Variants in PAPPA2 observed in about 807,000 individuals in gnomAD.
PAPPA2 encodes the protein pappalysin 2.
In PAPPA2, 86 loss-of-function variants were observed where a neutral mutation model predicts 176.4. That is an observed-to-expected ratio of 0.49 (90% CI 0.41 to 0.58). The LOEUF (loss-of-function observed/expected upper bound fraction) is 0.58. Among genes scored for constraint, PAPPA2 ranks in the 20% least tolerant of loss-of-function variants. PAPPA2 has a pLI of 0.00. For synonymous variants in PAPPA2, 809 were observed against 852.2 expected (o/e 0.95, Z 0.88); for missense variants, 2,073 against 2,256.9 (o/e 0.92, Z 1.65).
rs1571405094 is a variant in PAPPA2, at chr1:176,839,594, A to C, written c.5203-579A>C. ...CAGACACCATCTGAGTCTTCATAGCACCCAAGGACTACTCAGGTCTCTAAG... is the reference window on the plus strand; with the variant it reads ...CAGACACCATCTGAGTCTTCATAGCCCCCAAGGACTACTCAGGTCTCTAAG... On this transcript the variant is annotated intron_variant, in intron 21 of 22. Coordinates refer to ENST00000367662, the MANE Select transcript of PAPPA2 (RefSeq NM_020318.3). Among the ~76,000 whole-genome samples, 5 of 152,232 alleles carry C rather than the reference A, an allele frequency of 3.3e-5. No homozygotes were observed. In the Middle Eastern group the frequency reaches 0.014, roughly 414 times the overall value.
At chr1:176,779,675 G>A (rs902814509) in intron 17 of PAPPA2, among the ~76,000 whole-genome samples, 1 of 152,166 alleles carries the variant, frequency 6.6e-6, no homozygotes, top group African/African-American at 2.4e-5. Flanking sequence ...TCATTACCCT[G>A]TGAAGAATGT....
intron 3 of PAPPA2, among the ~76,000 whole-genome samples, chr1:176,612,638 C>T (rs953845344): frequency 6.6e-5 from 10 of 152,130 alleles, no homozygotes; most frequent in Non-Finnish European, 1.2e-4. Context: ...GGTAATCATA[C>T]TGGACAGAAA....
intron 3 of PAPPA2, among the ~76,000 whole-genome samples, chr1:176,669,832 G>A (rs1287207188): frequency 6.6e-6 from 1 of 152,162 alleles, no homozygotes; most frequent in East Asian, 1.9e-4. Context: ...TCAGGAGGCA[G>A]AGCAAGCTAG....
intron 18 of PAPPA2, among the ~76,000 whole-genome samples, chr1:176,790,660 G>A (rs775625539): frequency 6.6e-6 from 1 of 152,076 alleles, no homozygotes; most frequent in South Asian, 2.1e-4. Flanking sequence ...AAGCACATCC[G>A]GTTGCACTGA....
At chr1:176,773,487 C>A (rs1222348569) in intron 17 of PAPPA2, among the ~76,000 whole-genome samples, 1 of 152,110 alleles carries the variant, frequency 6.6e-6, no homozygotes, top group Non-Finnish European at 1.5e-5. Context: ...TAATTTTATG[C>A]TACTGTACAG....
intron 14 of PAPPA2, among the ~76,000 whole-genome samples, chr1:176,761,691 G>A (rs772645274): frequency 3.0e-4 from 45 of 152,304 alleles, no homozygotes; most frequent in Middle Eastern, 6.8e-3. Context: ...GAGATGGCCC[G>A]GTGGTCTAGG....
At chr1:176,710,241 T>G in intron 11 of PAPPA2, 65 bp downstream of exon 11, 1 of 1,402,250 alleles carries the variant, frequency 7.1e-7, no homozygotes, top group Non-Finnish European at 9.9e-7. Context: ...CCCCTATGCT[T>G]ACACTTGGGG....
Position 176,764,406 on chromosome 1 carries a change from C to T in PAPPA2, c.4152-1260C>T, listed in dbSNP as rs148189338. The stretch of plus-strand genomic sequence containing the variant: ...AGGAATAACAACTCTGTGAGGTTGC[C>T]ATAATTATCCCCGTCTTATAGGGGA... On this transcript the variant is annotated intron_variant, in intron 14 of 22. Transcript: ENST00000367662. Among the ~76,000 whole-genome samples the T allele has an allele frequency of 6.6e-3, 1,004 of 152,240 alleles. 14 individuals are homozygous for T. The highest frequency in any genetic ancestry group is 0.023 in the African/African-American group (945 of 41,552).
At chr1:176,768,475 T>C (rs1332604478) in intron 15 of PAPPA2, among the ~76,000 whole-genome samples, 1 of 152,214 alleles carries the variant, frequency 6.6e-6, no homozygotes, top group African/African-American at 2.4e-5. Flanking sequence ...GTTTTCAGTC[T>C]TTATATGGCA....
At chr1:176,487,713 G>A (rs558056704) in intron 1 of PAPPA2, among the ~76,000 whole-genome samples, 66 of 152,266 alleles carry the variant, frequency 4.3e-4, no homozygotes, top group Middle Eastern at 3.4e-3. Flanking sequence ...AGGGGTAGAG[G>A]TTGAGGCCAA....
chr1:176,757,192 C>A (rs1266931885), intron 14 of PAPPA2, among the ~76,000 whole-genome samples: 2 of 152,156 alleles, frequency 1.3e-5, no homozygotes, highest in African/African-American at 4.8e-5. Flanking sequence ...TTTATAGTAG[C>A]ATGATTTATA....
chr1:176,611,695 C>G (rs1382248569), intron 3 of PAPPA2, among the ~76,000 whole-genome samples: 1 of 152,156 alleles, frequency 6.6e-6, no homozygotes, highest in African/African-American at 2.4e-5. Flanking sequence ...CTGTAGCATT[C>G]TTGGGGAGCT....
chr1:176,694,560 T>A (rs889366209), intron 6 of PAPPA2, among the ~76,000 whole-genome samples: 1 of 152,220 alleles, frequency 6.6e-6, no homozygotes, highest in Non-Finnish European at 1.5e-5. Flanking sequence ...TATTACAAGA[T>A]GTTATTGAGA....
chr1:176,831,326 A>G (rs1667071526), intron 21 of PAPPA2, among the ~76,000 whole-genome samples: 1 of 152,228 alleles, frequency 6.6e-6, no homozygotes, highest in South Asian at 2.1e-4. Flanking sequence ...CATTCCCGTC[A>G]GGAATGGCTC....
intron 2 of PAPPA2, among the ~76,000 whole-genome samples, chr1:176,581,872 T>G (rs930974984): frequency 6.6e-6 from 1 of 151,172 alleles, no homozygotes; most frequent in Admixed American, 6.6e-5. Flanking sequence ...GTTTATTTTT[T>G]GGGGGGGTGG....
At chr1:176,664,490 G>A (rs1658519409) in intron 3 of PAPPA2, among the ~76,000 whole-genome samples, 1 of 152,106 alleles carries the variant, frequency 6.6e-6, no homozygotes, top group Non-Finnish European at 1.5e-5. Context: ...TGATTAGATT[G>A]GGTCCACTGG....
chr1:176,666,604 TGTGTGA>T (rs1183375726), intron 3 of PAPPA2, among the ~76,000 whole-genome samples: 39 of 119,956 alleles, frequency 3.3e-4, no homozygotes, highest in African/African-American at 9.4e-4. Context: ...TGTGTGTGTG[TGTGTGA>T]GAGAGAGAGA....
At chr1:176,647,795 CTTTG>C (rs1232964237) in intron 3 of PAPPA2, among the ~76,000 whole-genome samples, 9 of 151,172 alleles carry the variant, frequency 6.0e-5, no homozygotes, top group East Asian at 1.9e-4. Context: ...TTGTTTGTTT[CTTTG>C]TTTGTTTTTT....
chr1:176,479,262 G>A (rs114009257), intron 1 of PAPPA2, among the ~76,000 whole-genome samples: 2 of 152,182 alleles, frequency 1.3e-5, no homozygotes, highest in African/African-American at 2.4e-5. Context: ...AGGCAGCAGC[G>A]TTAGAACCAT....
Sources: gnomAD v4.1 joint callset for allele counts (sites outside exome capture counted in the v4.1 genomes callset) on GRCh38, gnomAD v4.1.1 for gene constraint, MANE v1.5 for transcripts, NCBI Gene and HGNC (gene_info 2026-07-23, HGNC 2026-07-21) for gene names.